The following RAD23B variants were observed in gnomAD, a reference collection of about 807,000 sequenced individuals.
RAD23B encodes lysine-specific demethylase RAD23B.
In RAD23B, 5 loss-of-function variants were observed where a neutral mutation model predicts 49.1. That is an observed-to-expected ratio of 0.10 (90% CI 0.05 to 0.21). The LOEUF (loss-of-function observed/expected upper bound fraction) is 0.21, where lower values mean the gene tolerates loss of function less well. Among genes scored for constraint, RAD23B ranks in the 10% least tolerant of loss-of-function variants. The pLI is 1.00. For missense variants in RAD23B, 356 were observed against 486.7 expected (o/e 0.73, Z 2.53); for synonymous variants, 184 against 165.4 (o/e 1.11, Z -0.86).
chr9:107,310,660 T>C (rs925555219), intron 4 of RAD23B, among the ~76,000 whole-genome samples: 4 of 152,212 alleles, frequency 2.6e-5, no homozygotes, highest in Non-Finnish European at 5.9e-5. Flanking sequence ...GCATTAGTTT[T>C]ACAGTATATT....
intron 1 of RAD23B, among the ~76,000 whole-genome samples, chr9:107,288,868 TA>T (rs1833326691): frequency 6.6e-6 from 1 of 152,104 alleles, no homozygotes; most frequent in Non-Finnish European, 1.5e-5. Flanking sequence ...CCTGCATTGC[TA>T]AGGTGATGGG....
At chr9:107,327,901 A>G (rs1208588864) in intron 9 of RAD23B, among the ~76,000 whole-genome samples, 2 of 152,092 alleles carry the variant, frequency 1.3e-5, no homozygotes, top group African/African-American at 2.4e-5. Context: ...TGTTATATAT[A>G]ATTGTTGTGT....
intron 4 of RAD23B, among the ~76,000 whole-genome samples, chr9:107,309,386 AAGC>A (rs1826844606): frequency 6.6e-6 from 1 of 152,236 alleles, no homozygotes; most frequent in African/African-American, 2.4e-5. Flanking sequence ...TGAGTGAAAA[AAGC>A]AGGTTGCAGA....
chr9:107,322,133 T>G lies in RAD23B; in HGVS notation c.817+15T>G. On this transcript the variant is annotated intron_variant, in intron 7 of 9. Coordinates refer to ENST00000358015, the MANE Select transcript of RAD23B (RefSeq NM_002874.5). ...AAGTTCTGGAGGTAAAGCGGAATCT[T>G]CTGGATGGGGAGGGAATGGCCCTGA... The G allele has an allele frequency of 1.3e-6, 2 of 1,581,146 alleles. No individual in the cohort carries two copies. The highest frequency in any genetic ancestry group is 1.7e-6 in the Non-Finnish European group (2 of 1,162,772).
intron 1 of RAD23B, among the ~76,000 whole-genome samples, chr9:107,297,782 T>C (rs939334289): frequency 2.0e-5 from 3 of 152,042 alleles, no homozygotes; most frequent in Admixed American, 1.3e-4. Flanking sequence ...ATTTTTGATA[T>C]AAAGCTAGAG....
At chr9:107,304,168 A>G (rs1267483356) in intron 3 of RAD23B, among the ~76,000 whole-genome samples, 1 of 152,220 alleles carries the variant, frequency 6.6e-6, no homozygotes, top group African/African-American at 2.4e-5. Context: ...AATAAAAACT[A>G]AAAAGCAGAG....
intron 8 of RAD23B, among the ~76,000 whole-genome samples, chr9:107,324,384 T>G (rs1419640819): frequency 2.0e-5 from 3 of 152,112 alleles, no homozygotes; most frequent in African/African-American, 2.4e-5. Context: ...TTAGGAACTT[T>G]TAAGCAACAG....
chr9:107,328,890 G>T (rs1322366904), intron 9 of RAD23B, among the ~76,000 whole-genome samples: 2 of 152,206 alleles, frequency 1.3e-5, no homozygotes, highest in East Asian at 3.8e-4. Flanking sequence ...CTAGGAAAAT[G>T]AAATTAAGTA....
At chr9:107,287,834 CAAAAAA>C (rs11396857) in intron 1 of RAD23B, among the ~76,000 whole-genome samples, 39 of 119,252 alleles carry the variant, frequency 3.3e-4, no homozygotes, top group Admixed American at 2.2e-3. Flanking sequence ...AACTCCATCT[CAAAAAA>C]AAAAAAAAAA....
chr9:107,291,528 C>T (rs1202780621), intron 1 of RAD23B, among the ~76,000 whole-genome samples: 3 of 152,140 alleles, frequency 2.0e-5, no homozygotes, highest in Non-Finnish European at 4.4e-5. Context: ...GTTATTGTTT[C>T]AATTGTAAAA....
intron 3 of RAD23B, among the ~76,000 whole-genome samples, chr9:107,305,673 A>G (rs1394037305): frequency 6.6e-6 from 1 of 152,048 alleles, no homozygotes; most frequent in East Asian, 1.9e-4. Flanking sequence ...AATTACATAT[A>G]TGTCTGAAAG....
intron 3 of RAD23B, among the ~76,000 whole-genome samples, chr9:107,302,743 T>C (rs1249828126): frequency 6.6e-6 from 1 of 151,682 alleles, no homozygotes; most frequent in African/African-American, 2.4e-5. Flanking sequence ...ACAAGCTCTG[T>C]CTCCCGGGTT....
At chr9:107,301,700 G>C (rs1251835920) in intron 2 of RAD23B, among the ~76,000 whole-genome samples, 1 of 150,874 alleles carries the variant, frequency 6.6e-6, no homozygotes, top group Non-Finnish European at 1.5e-5. Flanking sequence ...ACAATGCCTG[G>C]CTAATTTTGA....
chr9:107,303,071 CTATT>C (rs1465601962), intron 3 of RAD23B, among the ~76,000 whole-genome samples: 3 of 151,976 alleles, frequency 2.0e-5, no homozygotes, highest in South Asian at 2.1e-4. Context: ...TTTTAAGAGA[CTATT>C]TATATACTTG....
At chr9:107,316,515 G>A (rs995595819) in intron 5 of RAD23B, among the ~76,000 whole-genome samples, 2 of 152,130 alleles carry the variant, frequency 1.3e-5, no homozygotes, top group Admixed American at 6.5e-5. Context: ...AACATGTATT[G>A]CTACTTGAGT....
intron 7 of RAD23B, among the ~76,000 whole-genome samples, chr9:107,322,885 C>G (rs972706991): frequency 3.9e-4 from 60 of 152,278 alleles, no homozygotes; most frequent in African/African-American, 1.4e-3. Flanking sequence ...GAGATGACCA[C>G]AGCTCTGCTT....
At chr9:107,302,778 CCCTAGTAG>C (rs1826684098) in intron 3 of RAD23B, among the ~76,000 whole-genome samples, 1 of 151,706 alleles carries the variant, frequency 6.6e-6, no homozygotes, top group Non-Finnish European at 1.5e-5. Context: ...GCCTCAGCCT[CCCTAGTAG>C]CTGGGACTAC....
intron 1 of RAD23B, among the ~76,000 whole-genome samples, chr9:107,292,973 G>A (rs2133066722): frequency 6.6e-6 from 1 of 152,174 alleles, no homozygotes; most frequent in East Asian, 1.9e-4. Flanking sequence ...AGAAATTCAG[G>A]GATATTTTAG....
chr9:107,331,605 G>A lies in RAD23B; in HGVS notation c.*1949G>A, dbSNP rs919447112. On this transcript the variant is annotated 3_prime_UTR_variant, in exon 10 of 10. Coordinates refer to ENST00000358015, the MANE Select transcript of RAD23B (RefSeq NM_002874.5). Reference sequence around the variant, plus strand: ...TCAGAGCAATGAGTTGGGAAAAGAGGTGGCATTTCTGATCGGATAATGGAA... The same window carrying A: ...TCAGAGCAATGAGTTGGGAAAAGAGATGGCATTTCTGATCGGATAATGGAA... 10 of 739,488 alleles carry A rather than the reference G, an allele frequency of 1.4e-5. No individual in the cohort carries two copies. Among genetic ancestry groups the A allele is most frequent in the South Asian group, 8.9e-5 (6 of 67,262 alleles). The allele number at this position is 739,488 out of a possible 1,614,324, so 45.8% of individuals were successfully genotyped here.
Sources: gnomAD v4.1 joint callset for allele counts (sites outside exome capture counted in the v4.1 genomes callset) on GRCh38, gnomAD v4.1.1 for gene constraint, MANE v1.5 for transcripts, NCBI Gene and HGNC (gene_info 2026-07-23, HGNC 2026-07-21) for gene names.